The following DPH6 variants were observed in gnomAD, a reference collection of about 807,000 sequenced individuals.
DPH6 encodes the protein diphthamine biosynthesis 6.
In DPH6, 33 loss-of-function variants were observed where a neutral mutation model predicts 38.2. That is an observed-to-expected ratio of 0.86 (90% CI 0.65 to 1.15). The LOEUF is 1.15. DPH6 is among the 50% of genes most tolerant of loss of function. The pLI is 0.00. For synonymous variants in DPH6, 108 were observed against 103.0 expected (o/e 1.05, Z -0.30); for missense variants, 325 against 320.0 (o/e 1.02, Z -0.12).
At chr15:35,394,790 A>G (rs987345723) in intron 6 of DPH6, among the ~76,000 whole-genome samples, 3 of 152,206 alleles carry the variant, frequency 2.0e-5, no homozygotes, top group African/African-American at 7.2e-5. Context: ...ATGGAATGCC[A>G]AAAGTGCCGT....
intron 3 of DPH6, among the ~76,000 whole-genome samples, chr15:35,478,920 A>G (rs1408726935): frequency 6.6e-6 from 1 of 152,080 alleles, no homozygotes; most frequent in Non-Finnish European, 1.5e-5. Flanking sequence ...TAACTACAGA[A>G]GAAGGCTATT....
intron 5 of DPH6, among the ~76,000 whole-genome samples, chr15:35,423,260 CATT>C (rs753694901): frequency 6.6e-6 from 1 of 151,786 alleles, no homozygotes; most frequent in African/African-American, 2.4e-5. Flanking sequence ...CGTGATACCT[CATT>C]GTGGTTTTGA....
At chr15:35,195,867 T>C in the DPH6 span, among the ~76,000 whole-genome samples, 1 of 151,962 alleles carries the variant, frequency 6.6e-6, no homozygotes, top group Non-Finnish European at 1.5e-5. Flanking sequence ...CACCTACTGG[T>C]TGATCCTTGT....
intron 3 of DPH6, among the ~76,000 whole-genome samples, chr15:35,515,308 T>C (rs150328811): frequency 2.6e-5 from 4 of 152,226 alleles, no homozygotes; most frequent in East Asian, 3.9e-4. Flanking sequence ...AAAAAGTTCA[T>C]AGGGGCTGGG....
At chr15:35,356,602 T>C (rs891360195) in intron 3 of DPH6, among the ~76,000 whole-genome samples, 99 of 152,188 alleles carry the variant, frequency 6.5e-4, no homozygotes, top group Admixed American at 6.2e-3. Context: ...GCAGCGGATA[T>C]TGGTGAACAG....
chr15:35,443,915 ATCAGAC>A (rs2053818862), intron 5 of DPH6, among the ~76,000 whole-genome samples: 1 of 152,214 alleles, frequency 6.6e-6, no homozygotes, highest in East Asian at 1.9e-4. Context: ...AGCTTGTCAA[ATCAGAC>A]TCAAACAAAT....
chr15:35,195,939 GGGA>G, the DPH6 span, among the ~76,000 whole-genome samples: 1 of 152,110 alleles, frequency 6.6e-6, no homozygotes, highest in Non-Finnish European at 1.5e-5. Flanking sequence ...GAGAGAGCCA[GGGA>G]GAGACAAAAG....
At chr15:35,259,702 G>A (rs1280904243) in intron 3 of DPH6, among the ~76,000 whole-genome samples, 1 of 152,178 alleles carries the variant, frequency 6.6e-6, no homozygotes, top group Non-Finnish European at 1.5e-5. Context: ...AAGCTACTGA[G>A]CAGCCAATAT....
chr15:35,233,411 C>A (rs1158962036), intron 3 of DPH6, among the ~76,000 whole-genome samples: 1 of 152,136 alleles, frequency 6.6e-6, no homozygotes, highest in African/African-American at 2.4e-5. Context: ...GGCACAAATT[C>A]TTTTTGTTGT....
chr15:35,481,052 T>C (rs1310542202), intron 3 of DPH6, among the ~76,000 whole-genome samples: 1 of 152,124 alleles, frequency 6.6e-6, no homozygotes, highest in Non-Finnish European at 1.5e-5. Context: ...TTTGTAATGA[T>C]GGAAATGCTC....
At chr15:35,481,157 T>C (rs1208100271) in intron 3 of DPH6, among the ~76,000 whole-genome samples, 2 of 152,172 alleles carry the variant, frequency 1.3e-5, no homozygotes, top group African/African-American at 4.8e-5. Context: ...TTTTTAAATG[T>C]TATTTAATTT....
chr15:35,195,389 C>A, the DPH6 span, among the ~76,000 whole-genome samples: 5 of 152,060 alleles, frequency 3.3e-5, no homozygotes, highest in African/African-American at 1.2e-4. Flanking sequence ...TTAATATAAC[C>A]ATTTTATAAA....
the DPH6 span, among the ~76,000 whole-genome samples, chr15:35,193,241 GA>G: frequency 3.0e-4 from 46 of 151,618 alleles, no homozygotes; most frequent in Admixed American, 2.9e-3. Context: ...CCCCTTTTAA[GA>G]ACAATGCAAA....
At chr15:35,534,996 C>G (rs2055147928) in intron 3 of DPH6, among the ~76,000 whole-genome samples, 1 of 152,180 alleles carries the variant, frequency 6.6e-6, no homozygotes, top group Non-Finnish European at 1.5e-5. Context: ...ATCTCTGATC[C>G]AATCACTATG....
chr15:35,302,575 AT>A (rs1452476664), intron 3 of DPH6, among the ~76,000 whole-genome samples: 1 of 152,206 alleles, frequency 6.6e-6, no homozygotes, highest in East Asian at 1.9e-4. Context: ...CAGCATTTTA[AT>A]AGATTATGGC....
At chr15:35,447,857 C>T (rs997283488) in intron 5 of DPH6, among the ~76,000 whole-genome samples, 34 of 152,084 alleles carry the variant, frequency 2.2e-4, no homozygotes, top group African/African-American at 8.2e-4. Flanking sequence ...TGCCTCCTCC[C>T]CCATCATCTC....
intron 8 of DPH6, 23 bp from the exon 9 acceptor site, chr15:35,372,226 G>A: frequency 2.0e-6 from 3 of 1,475,324 alleles, no homozygotes; most frequent in Non-Finnish European, 2.7e-6. Flanking sequence ...GGGAAGGAAA[G>A]GGAAGGAAAA....
At chr15:35,386,600 G>T (rs1000266104) in intron 6 of DPH6, among the ~76,000 whole-genome samples, 15 of 152,178 alleles carry the variant, frequency 9.9e-5, no homozygotes, top group Non-Finnish European at 1.5e-5. Flanking sequence ...GGCCAGTGAT[G>T]ATGAGCATTT....
chr15:35,380,484 T>C (rs2052849451), intron 7 of DPH6, among the ~76,000 whole-genome samples: 1 of 152,184 alleles, frequency 6.6e-6, no homozygotes, highest in Non-Finnish European at 1.5e-5. Context: ...CTCTGGGACC[T>C]CAATTTTTCT....
Sources: allele counts gnomAD v4.1 joint callset (sites outside exome capture counted in the v4.1 genomes callset), GRCh38; gene constraint gnomAD v4.1.1; transcripts MANE v1.5; gene names NCBI Gene and HGNC (gene_info 2026-07-23, HGNC 2026-07-21).